Variants in SLC24A2 observed in about 807,000 individuals in gnomAD.
SLC24A2 encodes solute carrier family 24 member 2.
SLC24A2 carries 36 observed loss-of-function variants against 62.0 expected under a neutral mutation model. The ratio of observed to expected loss-of-function variants is 0.58; its 90% confidence interval spans 0.44 to 0.77. The LOEUF is 0.77. SLC24A2 is among the 30% of genes least tolerant of loss of function. The probability of loss-of-function intolerance (pLI) is 0.00; values close to 1 mark genes in which losing one functional copy is unlikely to be tolerated. For missense variants in SLC24A2, 846 were observed against 817.9 expected (o/e 1.03, Z -0.42); for synonymous variants, 358 against 294.0 (o/e 1.22, Z -2.23).
rs552629365 is a variant in SLC24A2 at position 19,737,587 on chromosome 9, C to T, written c.930+48350G>A. On this transcript the variant is annotated intron_variant, in intron 2 of 10. Transcript: ENST00000341998. Reference sequence around the variant, plus strand: ...ATTTAAAAGGTTAAAAAATAAAATGCAATTGCATTCAAGGTGTATACATTT... The same window carrying T: ...ATTTAAAAGGTTAAAAAATAAAATGTAATTGCATTCAAGGTGTATACATTT... Among the ~76,000 whole-genome samples the T allele has an allele frequency of 5.9e-4, 89 of 151,924 alleles. No homozygotes were observed. In the South Asian group the frequency reaches 0.018, roughly 31 times the overall value.
intron 2 of SLC24A2, among the ~76,000 whole-genome samples, chr9:19,783,717 A>G (rs1389399569): frequency 1.3e-5 from 2 of 152,232 alleles, no homozygotes; most frequent in Admixed American, 1.3e-4. Flanking sequence ...GGCAAGTGGT[A>G]TTTCCTAAAG....
At chr9:19,850,566 A>T in the SLC24A2 span, among the ~76,000 whole-genome samples, 3 of 152,100 alleles carry the variant, frequency 2.0e-5, no homozygotes. Context: ...ATCAAAATCC[A>T]GTTTTAGCAC....
the SLC24A2 span, among the ~76,000 whole-genome samples, chr9:20,188,865 G>A: frequency 6.6e-6 from 1 of 152,168 alleles, no homozygotes; most frequent in African/African-American, 2.4e-5. Context: ...CTCCAGAAAT[G>A]TAACAGGAAA....
chr9:20,032,163 C>T, the SLC24A2 span, among the ~76,000 whole-genome samples: 1 of 152,130 alleles, frequency 6.6e-6, no homozygotes, highest in Non-Finnish European at 1.5e-5. Context: ...CCTTTTTAAC[C>T]GATTAAAGCT....
At chr9:19,672,704 C>T (rs1819454269) in intron 2 of SLC24A2, among the ~76,000 whole-genome samples, 1 of 146,208 alleles carries the variant, frequency 6.8e-6, no homozygotes, top group South Asian at 2.2e-4. Flanking sequence ...ACTGTCTTTG[C>T]TGTATCCCAG....
At chr9:20,222,038 A>T in the SLC24A2 span, among the ~76,000 whole-genome samples, 1 of 152,208 alleles carries the variant, frequency 6.6e-6, no homozygotes, top group South Asian at 2.1e-4. Flanking sequence ...GCTCTAAACA[A>T]AAAGCTGGGA....
At chr9:20,168,037 T>C in the SLC24A2 span, among the ~76,000 whole-genome samples, 3 of 151,968 alleles carry the variant, frequency 2.0e-5, no homozygotes, top group Admixed American at 6.6e-5. Flanking sequence ...TGAAGTCCCA[T>C]AGGGTCATTA....
the SLC24A2 span, among the ~76,000 whole-genome samples, chr9:20,244,885 T>G: frequency 3.7e-4 from 57 of 152,368 alleles, no homozygotes; most frequent in Non-Finnish European, 5.9e-5. Context: ...GTGGTTTTGA[T>G]AGAGTGTCAG....
chr9:19,977,122 T>TGTGTGTGA, the SLC24A2 span, among the ~76,000 whole-genome samples: 1 of 151,118 alleles, frequency 6.6e-6, no homozygotes, highest in Non-Finnish European at 1.5e-5. Flanking sequence ...TTTGTGTGTG[T>TGTGTGTGA]GTGTGTGTGT....
At chr9:20,033,796 T>A in the SLC24A2 span, among the ~76,000 whole-genome samples, 1 of 152,140 alleles carries the variant, frequency 6.6e-6, no homozygotes, top group Non-Finnish European at 1.5e-5. Flanking sequence ...TCATGAATAA[T>A]CCACCCCTTT....
In SLC24A2 at chr9:19,512,447, C is replaced by T. The variant is rs1184736226; in HGVS notation, c.*3706G>A. 1 of 152,246 alleles carries T rather than the reference C, an allele frequency of 6.6e-6. No individual in the cohort carries two copies. Among genetic ancestry groups the T allele is most frequent in the Non-Finnish European group, 1.5e-5 (1 of 68,064 alleles). 9.4% of individuals were successfully genotyped at this position (152,246 alleles called of 1,614,324 possible). On this transcript the variant is annotated 3_prime_UTR_variant, in exon 11 of 11. Coordinates refer to ENST00000341998, the MANE Select transcript of SLC24A2 (RefSeq NM_020344.4). ...AAACAACCCTATCCCTTAGTCCCTG[C>T]ATATATCATTGCTCTGTCACTGCCT...
chr9:20,108,807 C>G, the SLC24A2 span, among the ~76,000 whole-genome samples: 1 of 151,856 alleles, frequency 6.6e-6, no homozygotes, highest in African/African-American at 2.4e-5. Flanking sequence ...ATGTAACTAA[C>G]CTGCACATTG....
rs751070953 is a variant in SLC24A2, at chr9:19,516,105, G to T, written c.*48C>A. 1 of 1,612,164 alleles carries T rather than the reference G, an allele frequency of 6.2e-7. No homozygotes were observed. Among genetic ancestry groups the T allele is most frequent in the South Asian group, 1.1e-5 (1 of 90,670 alleles). ...GAGGTCAAGGAGCCCAGAGCCCAGA[G>T]TGTGGAGGGACCATTCATGCTGCTG... On this transcript the variant is annotated 3_prime_UTR_variant, in exon 11 of 11. Transcript: ENST00000341998.
At chr9:20,257,070 C>A in the SLC24A2 span, among the ~76,000 whole-genome samples, 2 of 152,094 alleles carry the variant, frequency 1.3e-5, no homozygotes, top group African/African-American at 2.4e-5. Flanking sequence ...GACTTCAGCA[C>A]TTTCAGCTCG....
At chr9:20,301,422 T>A in the SLC24A2 span, among the ~76,000 whole-genome samples, 1 of 152,124 alleles carries the variant, frequency 6.6e-6, no homozygotes, top group East Asian at 1.9e-4. Context: ...CACCTAGACA[T>A]GACTTTGCTG....
At chr9:19,565,195 T>A (rs1318665652) in intron 7 of SLC24A2, among the ~76,000 whole-genome samples, 1 of 152,194 alleles carries the variant, frequency 6.6e-6, no homozygotes, top group African/African-American at 2.4e-5. Context: ...GATGACATGA[T>A]GATTGTATAT....
the SLC24A2 span, among the ~76,000 whole-genome samples, chr9:20,267,432 C>G: frequency 6.6e-6 from 1 of 152,208 alleles, no homozygotes; most frequent in African/African-American, 2.4e-5. Context: ...TAGTGCTTGT[C>G]TGGCCAGGAC....
chr9:19,790,465 G>T (rs1322010206), upstream of SLC24A2, among the ~76,000 whole-genome samples: 1 of 146,884 alleles, frequency 6.8e-6, no homozygotes, highest in African/African-American at 2.5e-5. Flanking sequence ...TACCACTAGG[G>T]TTGTGTCAAG....
chr9:20,035,121 T>G, the SLC24A2 span, among the ~76,000 whole-genome samples: 1 of 152,154 alleles, frequency 6.6e-6, no homozygotes, highest in African/African-American at 2.4e-5. Flanking sequence ...TTTTGAAGAC[T>G]AGGGCTGAGT....
Sources: allele counts gnomAD v4.1 joint callset (sites outside exome capture counted in the v4.1 genomes callset), GRCh38; gene constraint gnomAD v4.1.1; transcripts MANE v1.5; gene names NCBI Gene and HGNC (gene_info 2026-07-23, HGNC 2026-07-21).